CMBL: variants seen among roughly 807,000 people sequenced by gnomAD.
The protein encoded by CMBL is carboxymethylenebutenolidase homolog.
In CMBL, 17 loss-of-function variants were observed where a neutral mutation model predicts 28.7. The ratio of observed to expected loss-of-function variants is 0.59; its 90% confidence interval spans 0.41 to 0.89. CMBL has a LOEUF of 0.89. Ranked by LOEUF, CMBL falls within the 40% of genes least tolerant of loss-of-function variation. The pLI, the probability that CMBL is intolerant of heterozygous loss-of-function variation, is 0.00. For missense variants in CMBL, 310 were observed against 298.5 expected (o/e 1.04, Z -0.28); for synonymous variants, 106 against 101.6 (o/e 1.04, Z -0.26).
chr5:10,286,276 G>C, intron 4 of CMBL, 78 bp downstream of exon 4: 4 of 1,425,688 alleles, frequency 2.8e-6, no homozygotes. Context: ...TGTTACACTG[G>C]ATGGGGAGGC....
At chr5:10,296,273 T>C (rs1230650873) in intron 1 of CMBL, among the ~76,000 whole-genome samples, 1 of 152,150 alleles carries the variant, frequency 6.6e-6, no homozygotes, top group African/African-American at 2.4e-5. Flanking sequence ...CAAGAATGAC[T>C]GTATGTGGGT....
chr5:10,278,431 C>T lies in CMBL; in HGVS notation c.*2022G>A, dbSNP rs760270635. Among the ~76,000 whole-genome samples, 2 of 152,118 alleles carry T rather than the reference C, an allele frequency of 1.3e-5. No homozygotes were observed. Among genetic ancestry groups the T allele is most frequent in the Admixed American group, 1.3e-4 (2 of 15,278 alleles). ...ACATGGACCATGCCGATATCCTACC[C>T]ACACCGACCCCTCTCAGTCACAGCG... On this transcript the variant is annotated 3_prime_UTR_variant, in exon 6 of 6. Transcript: ENST00000296658.
chr5:10,284,526 A>C (rs1214159849), intron 4 of CMBL, among the ~76,000 whole-genome samples: 2 of 152,210 alleles, frequency 1.3e-5, no homozygotes, highest in African/African-American at 4.8e-5. Flanking sequence ...TTCCCCAAGT[A>C]CCCAGACAAC....
At position 10,280,349 on chromosome 5, in the gene CMBL, C is replaced by T; in HGVS notation, c.*104G>A. ...AATGAAATAATCAATTTTAGGATTC[C>T]TACACTTATTTTATAAAAGTGAAAA... On this transcript the variant is annotated 3_prime_UTR_variant, in exon 6 of 6. Transcript: ENST00000296658. 1.2e-6 allele frequency: 1 copy of T among 835,266 alleles called. No homozygotes were observed. The highest frequency in any genetic ancestry group is 1.8e-6 in the Non-Finnish European group (1 of 553,878). The allele number at this position is 835,266 out of a possible 1,614,324, so 51.7% of individuals were successfully genotyped here. A position where few individuals can be genotyped will look rare whatever the true frequency, so the allele number is the denominator to read the frequency against.
intron 2 of CMBL, 74 bp downstream of exon 2, chr5:10,290,474 A>C (rs1746688553): frequency 7.4e-7 from 1 of 1,348,782 alleles, no homozygotes; most frequent in Non-Finnish European, 1.1e-6. Context: ...CTGTGGTTTT[A>C]TTTTTTAAAG....
In CMBL at chr5:10,290,778, C is replaced by T. The variant is rs375021099; in HGVS notation, c.-16G>A. 97 of 1,608,446 alleles carry T rather than the reference C, an allele frequency of 6.0e-5. No individual in the cohort carries two copies. The highest frequency in any genetic ancestry group is 7.2e-5 in the Non-Finnish European group (85 of 1,175,000). Reference sequence around the variant, plus strand: ...CGTTAGCCATTGCAGAGATTTAAGTCGGGCTATGGAGAGAGAAACATGCGT... The same window carrying T: ...CGTTAGCCATTGCAGAGATTTAAGTTGGGCTATGGAGAGAGAAACATGCGT... On this transcript the variant is annotated 5_prime_UTR_variant, in exon 2 of 6. Transcript: ENST00000296658.
intron 1 of CMBL, 87 bp from the exon 2 acceptor site, chr5:10,290,868 G>A (rs1579473455): frequency 9.7e-7 from 1 of 1,031,210 alleles, no homozygotes; most frequent in Admixed American, 2.5e-5. Context: ...CAAGATTATA[G>A]AAAAAAATTC....
intron 2 of CMBL, 80 bp from the exon 3 acceptor site, chr5:10,288,609 G>T: frequency 2.8e-6 from 3 of 1,087,080 alleles, no homozygotes; most frequent in South Asian, 2.5e-5. Flanking sequence ...TTAAAAACTT[G>T]CTACGTTGGC....
At chr5:10,306,334 C>G (rs11948322) in intron 1 of CMBL, among the ~76,000 whole-genome samples, 1 of 151,862 alleles carries the variant, frequency 6.6e-6, no homozygotes, top group Non-Finnish European at 1.5e-5. Flanking sequence ...AATACATCTC[C>G]AGCCTCCTGG....
intron 5 of CMBL, among the ~76,000 whole-genome samples, chr5:10,281,206 A>C (rs1746492921): frequency 6.6e-6 from 1 of 152,092 alleles, no homozygotes; most frequent in South Asian, 2.1e-4. Flanking sequence ...TTATAACAAT[A>C]ATTTCTAAAT....
At chr5:10,282,634 T>C (rs1746516287) in intron 4 of CMBL, among the ~76,000 whole-genome samples, 1 of 151,728 alleles carries the variant, frequency 6.6e-6, no homozygotes, top group Non-Finnish European at 1.5e-5. Context: ...AATACAAACA[T>C]AAGCCGGGTG....
chr5:10,298,052 C>T (rs1314853564), intron 1 of CMBL, among the ~76,000 whole-genome samples: 1 of 149,450 alleles, frequency 6.7e-6, no homozygotes, highest in African/African-American at 2.5e-5. Context: ...TGGGAACAGG[C>T]GAAGAGCAGG....
At chr5:10,284,892 TATA>T (rs1311290039) in intron 4 of CMBL, among the ~76,000 whole-genome samples, 6 of 152,250 alleles carry the variant, frequency 3.9e-5, no homozygotes. Context: ...TATATACAGA[TATA>T]ATGTTATTTC....
chr5:10,301,606 G>GTTTCTT (rs1554014103), intron 1 of CMBL, among the ~76,000 whole-genome samples: 1 of 132,260 alleles, frequency 7.6e-6, no homozygotes, highest in African/African-American at 2.9e-5. Flanking sequence ...TTCTTTTCGG[G>GTTTCTT]TTTTTTTTTT....
chr5:10,305,162 G>A (rs1378882738), intron 1 of CMBL, among the ~76,000 whole-genome samples: 1 of 152,140 alleles, frequency 6.6e-6, no homozygotes. Flanking sequence ...CACTGGTGAC[G>A]TCTCTGGAAA....
chr5:10,301,124 G>A (rs964458875), intron 1 of CMBL, among the ~76,000 whole-genome samples: 4 of 151,922 alleles, frequency 2.6e-5, no homozygotes, highest in African/African-American at 4.8e-5. Flanking sequence ...GCTTTATTAT[G>A]TTTTATTTCC....
chr5:10,295,787 G>C (rs1746798548), intron 1 of CMBL, among the ~76,000 whole-genome samples: 1 of 152,200 alleles, frequency 6.6e-6, no homozygotes. Flanking sequence ...TGTTGTTGAA[G>C]CCACGTTTGT....
intron 1 of CMBL, among the ~76,000 whole-genome samples, chr5:10,294,338 G>A (rs1481487686): frequency 6.6e-6 from 1 of 152,144 alleles, no homozygotes; most frequent in Non-Finnish European, 1.5e-5. Context: ...ACTTTGGGAG[G>A]CTGAGGTGGG....
chr5:10,281,433 G>T (rs1426336549), intron 5 of CMBL, among the ~76,000 whole-genome samples: 1 of 152,036 alleles, frequency 6.6e-6, no homozygotes, highest in Non-Finnish European at 1.5e-5. Flanking sequence ...GCCTAGCCTG[G>T]TCTTAAACTC....
Sources: allele counts gnomAD v4.1 joint callset (sites outside exome capture counted in the v4.1 genomes callset), GRCh38; gene constraint gnomAD v4.1.1; transcripts MANE v1.5; gene names NCBI Gene and HGNC (gene_info 2026-07-23, HGNC 2026-07-21).